The following THSD7A variants were observed in gnomAD, a reference collection of about 807,000 sequenced individuals.
THSD7A encodes the protein thrombospondin type 1 domain containing 7A, also known as thrombospondin type-1 domain-containing protein 7A.
Under a neutral mutation model 231.3 loss-of-function variants are expected in THSD7A, and 96 were observed. That is an observed-to-expected ratio of 0.41 (90% CI 0.35 to 0.49). THSD7A has a LOEUF of 0.49. THSD7A is among the 20% of genes least tolerant of loss of function. THSD7A has a pLI of 0.05. For synonymous variants in THSD7A, 940 were observed against 743.3 expected (o/e 1.26, Z -4.30); for missense variants, 2,290 against 2,070.2 (o/e 1.11, Z -2.06).
intron 2 of THSD7A, among the ~76,000 whole-genome samples, chr7:11,622,898 G>T (rs558422916): frequency 6.6e-6 from 1 of 152,236 alleles, no homozygotes; most frequent in Admixed American, 6.5e-5. Flanking sequence ...TTATAACATA[G>T]GTATCCCTTA....
rs759704214 is a variant in THSD7A at position 11,447,245 on chromosome 7, T to C, written c.2785A>G (p.Lys929Glu). Residue 929 changes from lysine (K) to glutamate (E), a missense_variant, in exon 12 of 28, where the codon AAG becomes GAG. Coordinates refer to ENST00000423059, the MANE Select transcript of THSD7A (RefSeq NM_015204.3). The part of the protein sequence containing the change: ...NGDCGAVRTR[K>E]RTLVGKSKKK... ...TTATTCTTACCAACAAGAGTGCGCT[T>C]TCTGGTCCTAACTGCACCACAGTCT... The C allele has an allele frequency of 2.5e-6, 4 of 1,612,962 alleles. No individual in the cohort carries two copies. In the African/African-American group the frequency reaches 5.3e-5, roughly 22 times the overall value.
At position 11,395,518 on chromosome 7, in the gene THSD7A, C is replaced by T. The variant is rs1439384485; in HGVS notation, c.4411+6277G>A. ...CTCCACCCCAAATCAACAGAATATG[C>T]ATTCTTTTTTTTTTTTTTTTCTTTT... On this transcript the variant is annotated intron_variant, in intron 23 of 27. Coordinates refer to ENST00000423059, the MANE Select transcript of THSD7A (RefSeq NM_015204.3). Among the ~76,000 whole-genome samples the T allele has an allele frequency of 3.3e-5, 5 of 150,782 alleles. No homozygotes were observed. In the East Asian group the frequency reaches 9.8e-4, roughly 29 times the overall value.
intron 1 of THSD7A, among the ~76,000 whole-genome samples, chr7:11,681,552 A>C (rs1037905303): frequency 4.6e-5 from 7 of 152,058 alleles, no homozygotes; most frequent in Non-Finnish European, 1.0e-4. Flanking sequence ...TTCAGAGAAA[A>C]ATGAAGACAA....
intron 1 of THSD7A, among the ~76,000 whole-genome samples, chr7:11,826,301 G>C (rs917279170): frequency 6.6e-6 from 1 of 151,948 alleles, no homozygotes; most frequent in Non-Finnish European, 1.5e-5. Flanking sequence ...CATGTTTCTT[G>C]GATTCAGTGT....
chr7:11,543,614 A>C (rs1486807683), intron 4 of THSD7A, among the ~76,000 whole-genome samples: 1 of 152,196 alleles, frequency 6.6e-6, no homozygotes, highest in African/African-American at 2.4e-5. Flanking sequence ...GAGATGAAGA[A>C]GGATCTCAAA....
rs1414126917 is a variant in THSD7A at position 11,444,052 on chromosome 7, CTCA to C, written c.3064+2006_3064+2008del. 6.6e-6 allele frequency among the ~76,000 whole-genome samples: 1 copy of C among 152,072 alleles called. No individual in the cohort carries two copies. Among genetic ancestry groups the C allele is most frequent in the African/African-American group, 2.4e-5 (1 of 41,420 alleles). ...TGGCTAACAAACATATGAAAAAAAG[CTCA>C]TCATCACTGGTCATTAGAGAAATGC... On this transcript the variant is annotated intron_variant, in intron 13 of 27. Transcript: ENST00000423059. The surrounding 1 kb of genome is among the most constrained non-coding windows in gnomAD (Gnocchi z 4.2).
At chr7:11,761,923 G>C (rs1229294249) in intron 1 of THSD7A, among the ~76,000 whole-genome samples, 1 of 151,890 alleles carries the variant, frequency 6.6e-6, no homozygotes, top group African/African-American at 2.4e-5. Context: ...CCCCCTTTTG[G>C]AGTACTCACT....
At chr7:11,407,572 T>C in intron 19 of THSD7A, 149 bp from the exon 20 acceptor site, 2 of 641,664 alleles carry the variant, frequency 3.1e-6, no homozygotes, top group Non-Finnish European at 5.4e-6. Context: ...TCCAAACTAT[T>C]GAAAGTATAA....
intron 13 of THSD7A, among the ~76,000 whole-genome samples, chr7:11,437,175 T>C (rs1784659923): frequency 6.6e-6 from 1 of 152,016 alleles, no homozygotes; most frequent in Admixed American, 6.6e-5. Flanking sequence ...AACCATGATA[T>C]GAAGTAGTAG....
At chr7:11,521,087 A>G (rs1788242348) in intron 6 of THSD7A, among the ~76,000 whole-genome samples, 1 of 152,182 alleles carries the variant, frequency 6.6e-6, no homozygotes, top group African/African-American at 2.4e-5. Context: ...AACATCACCA[A>G]TCAGCCTGAT....
At chr7:11,388,584 C>T (rs184926579) in intron 23 of THSD7A, among the ~76,000 whole-genome samples, 33 of 152,112 alleles carry the variant, frequency 2.2e-4, no homozygotes, top group African/African-American at 7.7e-4. Context: ...TCTCTCTTTT[C>T]TTCTTTCTTC....
At position 11,617,240 on chromosome 7, in the gene THSD7A, C is replaced by A. The variant is rs186403791; in HGVS notation, c.1022+18890G>T. Among the ~76,000 whole-genome samples, 29 of 152,272 alleles carry A rather than the reference C, an allele frequency of 1.9e-4. No individual in the cohort carries two copies. In the East Asian group the frequency reaches 5.4e-3, roughly 28 times the overall value. ...AGAAACTGACAGGAAAAGTACAATA[C>A]ATGCATAACATACACACATGCATAC... is the stretch of plus-strand genomic sequence containing the variant. On this transcript the variant is annotated intron_variant, in intron 2 of 27. Transcript: ENST00000423059.
intron 4 of THSD7A, among the ~76,000 whole-genome samples, chr7:11,563,775 T>C (rs1006047074): frequency 5.3e-5 from 8 of 152,188 alleles, no homozygotes; most frequent in African/African-American, 1.9e-4. Context: ...AATCAATATC[T>C]TCAGTATCCA....
intron 11 of THSD7A, 51 bp from the exon 12 acceptor site, chr7:11,447,475 C>A: frequency 7.2e-7 from 1 of 1,393,418 alleles, no homozygotes; most frequent in South Asian, 1.6e-5. Context: ...TCTAATTACT[C>A]TATAATTTAG....
chr7:11,492,722 G>C (rs572505045), intron 6 of THSD7A, among the ~76,000 whole-genome samples: 19 of 152,182 alleles, frequency 1.2e-4, no homozygotes, highest in African/African-American at 4.6e-4. Flanking sequence ...TAGGAGACTG[G>C]TCTATGTGGG....
chr7:11,615,951 T>C (rs1036044654), intron 2 of THSD7A, among the ~76,000 whole-genome samples: 1 of 152,198 alleles, frequency 6.6e-6, no homozygotes, highest in African/African-American at 2.4e-5. Flanking sequence ...TTAAAAAATA[T>C]CTCACTGGTA....
intron 1 of THSD7A, among the ~76,000 whole-genome samples, chr7:11,768,292 A>C (rs1185809171): frequency 6.6e-6 from 1 of 152,206 alleles, no homozygotes; most frequent in Non-Finnish European, 1.5e-5. Flanking sequence ...AAACGGAATC[A>C]TATGTTTGTC....
chr7:11,720,679 C>G (rs367631252), intron 1 of THSD7A, among the ~76,000 whole-genome samples: 2 of 151,838 alleles, frequency 1.3e-5, no homozygotes, highest in African/African-American at 4.8e-5. Context: ...ATCTCCATCA[C>G]TCTCCTGAAA....
At chr7:11,441,091 C>A (rs1179561105) in intron 13 of THSD7A, among the ~76,000 whole-genome samples, 2 of 152,018 alleles carry the variant, frequency 1.3e-5, no homozygotes, top group East Asian at 3.9e-4. Flanking sequence ...TCATTCTCTC[C>A]AGCTTTTTAT....
Sources: allele counts gnomAD v4.1 joint callset (sites outside exome capture counted in the v4.1 genomes callset), GRCh38; gene constraint gnomAD v4.1.1; non-coding constraint Gnocchi (gnomAD v3.1); transcripts MANE v1.5; gene names NCBI Gene and HGNC (gene_info 2026-07-23, HGNC 2026-07-21).